Variants in FBLN7 observed in about 807,000 individuals in gnomAD.
FBLN7 encodes the protein fibulin 7.
FBLN7 carries 31 observed loss-of-function variants against 44.0 expected under a neutral mutation model. That is an observed-to-expected ratio of 0.70 (90% confidence interval 0.53 to 0.95). The LOEUF (loss-of-function observed/expected upper bound fraction) is 0.95. FBLN7 is among the 40% of genes least tolerant of loss of function. The pLI is 0.00. For synonymous variants in FBLN7, 262 were observed against 253.4 expected (o/e 1.03, Z -0.32); for missense variants, 573 against 618.5 (o/e 0.93, Z 0.78).
At chr2:112,147,982 C>T (rs1281400240) in intron 1 of FBLN7, among the ~76,000 whole-genome samples, 1 of 152,124 alleles carries the variant, frequency 6.6e-6, no homozygotes, top group East Asian at 1.9e-4. Flanking sequence ...AGCTGACCCG[C>T]GCTCTCTCCG....
the FBLN7 span, among the ~76,000 whole-genome samples, chr2:112,211,112 A>C: frequency 6.6e-6 from 1 of 152,192 alleles, no homozygotes; most frequent in East Asian, 1.9e-4. Context: ...TTACTTCTTC[A>C]AGGCTAATAG....
rs1288853236 is a variant in FBLN7, at chr2:112,165,157, A to G, written c.392A>G (p.Gln131Arg). Reference sequence around the variant, plus strand: ...CCCAATGGCACCTGGACAGGGGAGCAGCCCCACTGTAGAGGTATCGTCTCT... The same window carrying G: ...CCCAATGGCACCTGGACAGGGGAGCGGCCCCACTGTAGAGGTATCGTCTCT... ...CLPNGTWTGE[Q>R]PHCRGISECS... Residue 131 changes from glutamine (Q) to arginine (R), a missense_variant, in exon 3 of 8, where the codon CAG becomes CGG. Transcript: ENST00000331203. 2 of 1,614,092 alleles carry G rather than the reference A, an allele frequency of 1.2e-6. No individual in the cohort carries two copies. The highest frequency in any genetic ancestry group is 2.2e-5 in the South Asian group (2 of 91,080).
downstream of FBLN7, chr2:112,188,314 G>T (rs943765016): frequency 6.6e-5 from 10 of 152,260 alleles, no homozygotes; most frequent in African/African-American, 2.4e-4. Context: ...TGGAATAAAT[G>T]AGTCAGAGAA....
Position 112,159,816 on chromosome 2 carries a change from G to T in FBLN7, c.216G>T (p.Val72=), listed in dbSNP as rs1368057387. 1.9e-6 allele frequency: 3 copies of T among 1,562,722 alleles called. No individual in the cohort carries two copies. The highest frequency in any genetic ancestry group is 2.6e-6 in the Non-Finnish European group (3 of 1,156,476). ...LAALQNSVGR[V]GPDALPVSCP... ...CGCTGCAGAACTCTGTGGGCAGGGTGGGCCCAGATGCCCTTCCAGGTGGGT... is the reference window on the plus strand; with the variant it reads ...CGCTGCAGAACTCTGTGGGCAGGGTTGGCCCAGATGCCCTTCCAGGTGGGT... Residue 72 remains valine, a synonymous_variant, in exon 2 of 8, where the codon GTG becomes GTT. Transcript: ENST00000331203.
intron 2 of FBLN7, among the ~76,000 whole-genome samples, chr2:112,164,382 C>G (rs927443878): frequency 1.3e-5 from 2 of 152,194 alleles, no homozygotes; most frequent in African/African-American, 2.4e-5. Flanking sequence ...GACCGCATAT[C>G]TAGAAAGAGG....
At chr2:112,192,703 G>T (rs1408556474), downstream of FBLN7, among the ~76,000 whole-genome samples, 1 of 152,162 alleles carries the variant, frequency 6.6e-6, no homozygotes, top group Admixed American at 6.6e-5. Context: ...CCCTCGAATG[G>T]GTTGCTCACT....
At position 112,185,235 on chromosome 2, in the gene FBLN7, C is replaced by T. The variant is rs919268718; in HGVS notation, c.843C>T (p.Cys281=). The T allele has an allele frequency of 6.8e-6, 11 of 1,613,740 alleles. No individual in the cohort carries two copies. Among genetic ancestry groups the T allele is most frequent in the South Asian group, 4.4e-5 (4 of 91,076 alleles). The change falls in exon 7 of 8, where the codon TGC becomes TGT. Residue 281 remains cysteine, a synonymous_variant. Transcript: ENST00000331203. The part of the protein sequence containing the change: ...VDECVGLQPV[C]PQGTTCINTG... ...AATGTGTGGGCCTGCAGCCGGTGTGCCCCCAGGGGACCACATGCATCAACA... is the reference window on the plus strand; with the variant it reads ...AATGTGTGGGCCTGCAGCCGGTGTGTCCCCAGGGGACCACATGCATCAACA...
chr2:112,167,095 G>A (rs1682200901), intron 3 of FBLN7, among the ~76,000 whole-genome samples: 1 of 152,224 alleles, frequency 6.6e-6, no homozygotes, highest in Non-Finnish European at 1.5e-5. Flanking sequence ...CCCAAGCGGT[G>A]CTGCAAGCGA....
chr2:112,156,414 C>T (rs1428683923), intron 1 of FBLN7, among the ~76,000 whole-genome samples: 3 of 152,336 alleles, frequency 2.0e-5, no homozygotes, highest in African/African-American at 7.2e-5. Context: ...GGGGTTGCTG[C>T]CGGCCAGTAG....
chr2:112,159,222 G>A (rs1430884712), intron 1 of FBLN7, among the ~76,000 whole-genome samples: 1 of 145,690 alleles, frequency 6.9e-6, no homozygotes, highest in Non-Finnish European at 1.5e-5. Context: ...CATGTTATAT[G>A]TCTTTAAAGA....
the FBLN7 span, among the ~76,000 whole-genome samples, chr2:112,220,300 C>G: frequency 3.4e-4 from 52 of 152,168 alleles, no homozygotes; most frequent in Non-Finnish European, 6.9e-4. Flanking sequence ...GTCTTTACTT[C>G]CCATATTTCG....
chr2:112,159,724 C>G lies in FBLN7; in HGVS notation c.124C>G (p.Gln42Glu). The change falls in exon 2 of 8, where the codon CAG (glutamine) becomes GAG (glutamate). Residue 42 changes from glutamine to glutamate, a missense_variant. Coordinates refer to ENST00000331203, the MANE Select transcript of FBLN7 (RefSeq NM_153214.3). ...CCTCTCGGCCATCCGCCAGCTGCAG[C>G]AGCTGCTGAAGGGCCAGGAGACACG... ...QLLSAIRQLQ[Q>E]LLKGQETRFA... 6.3e-7 allele frequency: 1 copy of G among 1,586,230 alleles called. No individual in the cohort carries two copies. The highest frequency in any genetic ancestry group is 8.6e-7 in the Non-Finnish European group (1 of 1,166,188).
chr2:112,144,523 C>CTT (rs35764058), intron 1 of FBLN7, among the ~76,000 whole-genome samples: 19 of 123,770 alleles, frequency 1.5e-4, no homozygotes, highest in East Asian at 4.4e-4. Flanking sequence ...GTTTTCTTTT[C>CTT]TTTTTTTTTT....
At chr2:112,198,003 G>A in the FBLN7 span, among the ~76,000 whole-genome samples, 2 of 152,142 alleles carry the variant, frequency 1.3e-5, no homozygotes, top group Non-Finnish European at 2.9e-5. Context: ...CCAGGAACAG[G>A]AAGGGCTATG....
the FBLN7 span, chr2:112,234,170 G>C: frequency 6.2e-7 from 1 of 1,606,390 alleles, no homozygotes; most frequent in South Asian, 1.1e-5. Context: ...TTTCCCTTGC[G>C]TTCCACTGTA....
At chr2:112,140,810 T>C (rs1680606530) in intron 1 of FBLN7, among the ~76,000 whole-genome samples, 1 of 152,112 alleles carries the variant, frequency 6.6e-6, no homozygotes, top group African/African-American at 2.4e-5. Context: ...TCCGAAGCGG[T>C]CCCTTCCCGA....
intron 2 of FBLN7, among the ~76,000 whole-genome samples, chr2:112,160,421 G>A (rs1390573051): frequency 6.6e-6 from 1 of 152,138 alleles, no homozygotes; most frequent in Admixed American, 6.5e-5. Flanking sequence ...TTTCATTCTG[G>A]CCTTAACAAC....
At chr2:112,234,842 T>C in the FBLN7 span, among the ~76,000 whole-genome samples, 4 of 151,970 alleles carry the variant, frequency 2.6e-5, no homozygotes, top group Admixed American at 6.6e-5. Flanking sequence ...ATAGTATTTA[T>C]GATTAAAAAC....
At chr2:112,210,655 CAAAAAAA>C in the FBLN7 span, among the ~76,000 whole-genome samples, 16 of 69,714 alleles carry the variant, frequency 2.3e-4, no homozygotes, top group East Asian at 6.4e-3. Flanking sequence ...GACTCTGTCT[CAAAAAAA>C]AAAAAAAAAA....
Sources: gnomAD v4.1 joint callset for allele counts (sites outside exome capture counted in the v4.1 genomes callset) on GRCh38, gnomAD v4.1.1 for gene constraint, MANE v1.5 for transcripts, NCBI Gene and HGNC (gene_info 2026-07-23, HGNC 2026-07-21) for gene names.